Variants in SGSM2 observed in about 807,000 individuals in gnomAD.
The protein encoded by SGSM2 is RUN and TBC1 domain containing 1.
In SGSM2, 89 loss-of-function variants were observed where a neutral mutation model predicts 126.6. The observed-to-expected ratio is 0.70, with a 90% CI of 0.59 to 0.84. The LOEUF is 0.84. Among genes scored for constraint, SGSM2 ranks in the 40% least tolerant of loss-of-function variants. SGSM2 has a pLI of 0.00. For missense variants in SGSM2, 1,404 were observed against 1,416.6 expected (o/e 0.99, Z 0.14); for synonymous variants, 614 against 574.3 (o/e 1.07, Z -0.99).
At chr17:2,355,699 C>T (rs1378230124) in intron 2 of SGSM2, among the ~76,000 whole-genome samples, 1 of 2,120 alleles carries the variant, frequency 4.7e-4, no homozygotes, top group African/African-American at 5.7e-3. Flanking sequence ...GAAGGGACCC[C>T]ATATCTTAGA....
rs1027953267 is a variant in SGSM2 at position 2,362,352 on chromosome 17, A to T, written c.458+82A>T. ...CAGGTGACCGCCCCGTTCCCCAAAA[A>T]CTGCAGGTGACCGCCCCGTTCCCCA... is the stretch of plus-strand genomic sequence containing the variant. On this transcript the variant is annotated intron_variant, in intron 4 of 23. Transcript: ENST00000268989. The surrounding 1 kb of genome is among the most constrained non-coding windows in gnomAD (Gnocchi z 4.9). The T allele has an allele frequency of 3.6e-6, 5 of 1,406,604 alleles. No individual in the cohort carries two copies. In the African/African-American group the frequency reaches 7.9e-5, roughly 22 times the overall value. The allele number at this position is 1,406,604 out of a possible 1,614,324, so 87.1% of individuals were successfully genotyped here.
chr17:2,349,963 A>G (rs2064780131), intron 2 of SGSM2, among the ~76,000 whole-genome samples: 1 of 151,762 alleles, frequency 6.6e-6, no homozygotes, highest in African/African-American at 2.4e-5. Context: ...AATTTTTTGT[A>G]TTTTTAGTAG....
At chr17:2,375,420 T>C in intron 17 of SGSM2, 72 bp from the exon 18 acceptor site, 5 of 1,524,828 alleles carry the variant, frequency 3.3e-6, no homozygotes, top group South Asian at 2.5e-5. Flanking sequence ...AGCTCCCTTC[T>C]GGCCCGAGGA....
chr17:2,349,248 C>T (rs755694910), intron 2 of SGSM2, among the ~76,000 whole-genome samples: 15 of 152,088 alleles, frequency 9.9e-5, no homozygotes, highest in Admixed American at 2.6e-4. Flanking sequence ...TCATGGTGCA[C>T]GCCTGTAATC....
intron 2 of SGSM2, 83 bp downstream of exon 2, chr17:2,343,703 G>A (rs1268485324): frequency 5.9e-6 from 7 of 1,177,816 alleles, no homozygotes; most frequent in South Asian, 1.3e-5. Flanking sequence ...TGAGTCCTCA[G>A]GTGCAGTAGC....
intron 10 of SGSM2, 37 bp from the exon 11 acceptor site, chr17:2,365,178 C>T (rs1199971678): frequency 6.3e-7 from 1 of 1,597,340 alleles, no homozygotes; most frequent in South Asian, 1.1e-5. Flanking sequence ...TGAGACTCTG[C>T]CCTATACAGC....
rs1337524815 is a variant in SGSM2 at position 2,372,057 on chromosome 17, G to A, written c.1578-133G>A. The A allele has an allele frequency of 1.4e-5, 15 of 1,049,360 alleles. No homozygotes were observed. The South Asian group carries it at 1.9e-4, about 14-fold the overall frequency. 65.0% of individuals were successfully genotyped at this position (1,049,360 alleles called of 1,614,324 possible). A position where few individuals can be genotyped will look rare whatever the true frequency, so the allele number is the denominator to read the frequency against. ...GACAGGGCACCCACTGACGGCTGCT[G>A]GGCTGCGGCTCCTCCTCCTCGCACC... On this transcript the variant is annotated intron_variant, in intron 13 of 23. Transcript: ENST00000268989. The surrounding 1 kb of genome is among the most constrained non-coding windows in gnomAD (Gnocchi z 6.0).
Position 2,375,732 on chromosome 17 carries a change from GGC to G in SGSM2, c.2343_2344del (p.Gly782TrpfsTer68), listed in dbSNP as rs1450619195. The G allele has an allele frequency of 6.2e-7, 1 of 1,608,724 alleles. No homozygotes were observed. The highest frequency in any genetic ancestry group is 8.5e-7 in the Non-Finnish European group (1 of 1,176,374). ...GQSVGFEEED[G>X]GGEEGSSGPG... ...GAGCGTGGGCTTCGAAGAGGAGGAC[GGC>G]GGTGGGGAGGAAGGCTCCAGTGGGC... On this transcript the variant is annotated frameshift_variant, in exon 18 of 24. Transcript: ENST00000268989. LOFTEE classifies it high-confidence loss of function.
chr17:2,372,452 C>A lies in SGSM2; in HGVS notation c.1752C>A (p.Thr584=), dbSNP rs762609273. 1.2e-6 allele frequency: 2 copies of A among 1,601,444 alleles called. No homozygotes were observed. The highest frequency in any genetic ancestry group is 2.2e-5 in the South Asian group (2 of 89,314). ...CCCCGGGGGCCTCCGCGGGCCTCAC[C>A]AAGGACGTGTGGAGCAAGTATCAGA... ...DRPPGASAGL[T]KDVWSKYQKD... The change falls in exon 15 of 24, where the codon ACC becomes ACA. Residue 584 remains threonine, a synonymous_variant. Coordinates refer to ENST00000268989, the MANE Select transcript of SGSM2 (RefSeq NM_014853.3). This position sits in a 1 kb window ranked among gnomAD's most constrained non-coding sequence, Gnocchi z 6.0.
At chr17:2,349,837 G>C (rs1033204526) in intron 2 of SGSM2, among the ~76,000 whole-genome samples, 3 of 151,380 alleles carry the variant, frequency 2.0e-5, no homozygotes, top group African/African-American at 4.9e-5. Flanking sequence ...GCCCAGGCTG[G>C]AGTGCAATGG....
rs1192407528 is a variant in SGSM2, at chr17:2,362,424, G to A, written c.458+154G>A. ...GTTCCCCCCAAAACTGCAGGTGACC[G>A]CCCCGTTCCCAAAAACTGCAGGTGA... On this transcript the variant is annotated intron_variant, in intron 4 of 23. Coordinates refer to ENST00000268989, the MANE Select transcript of SGSM2 (RefSeq NM_014853.3). The surrounding 1 kb of genome is among the most constrained non-coding windows in gnomAD (Gnocchi z 4.9). Among the ~76,000 whole-genome samples the A allele has an allele frequency of 1.6e-4, 9 of 56,302 alleles. No homozygotes were observed. Among genetic ancestry groups the A allele is most frequent in the Admixed American group, 5.6e-4 (2 of 3,570 alleles). 36.9% of individuals were successfully genotyped at this position (56,302 alleles called of 152,430 possible).
Position 2,372,102 on chromosome 17 carries a change from C to G in SGSM2, c.1578-88C>G, listed in dbSNP as rs541592150. ...CGCACCCTCCCCAGTGCCTTACCTGCCCCCCAGGACAGAGCCTCCTCCCTT... is the reference window on the plus strand; with the variant it reads ...CGCACCCTCCCCAGTGCCTTACCTGGCCCCCAGGACAGAGCCTCCTCCCTT... On this transcript the variant is annotated intron_variant, in intron 13 of 23. Coordinates refer to ENST00000268989, the MANE Select transcript of SGSM2 (RefSeq NM_014853.3). This position sits in a 1 kb window ranked among gnomAD's most constrained non-coding sequence, Gnocchi z 6.0. 3.4e-6 allele frequency: 5 copies of G among 1,482,212 alleles called. No individual in the cohort carries two copies. The Admixed American group carries it at 8.5e-5, about 25-fold the overall frequency. 91.8% of individuals were successfully genotyped at this position (1,482,212 alleles called of 1,614,324 possible). A position where few individuals can be genotyped will look rare whatever the true frequency, so the allele number is the denominator to read the frequency against.
At chr17:2,344,583 G>A (rs1416043489) in intron 2 of SGSM2, among the ~76,000 whole-genome samples, 1 of 152,198 alleles carries the variant, frequency 6.6e-6, no homozygotes, top group Non-Finnish European at 1.5e-5. Flanking sequence ...CAAGGAAATG[G>A]CAGTGACAAG....
chr17:2,372,239 C>A lies in SGSM2; in HGVS notation c.1627C>A (p.Arg543=). ...GAGTATGAAGAGGCAGATCGTGTCC[C>A]GGGCCTTCTACGGCTGTGAGTGTGG... ...CESMKRQIVS[R]AFYGWLAHCR... is the part of the protein sequence containing the mutation. The change falls in exon 14 of 24, where the codon CGG becomes AGG. Residue 543 remains arginine, a synonymous_variant. Coordinates refer to ENST00000268989, the MANE Select transcript of SGSM2 (RefSeq NM_014853.3). The surrounding 1 kb of genome is among the most constrained non-coding windows in gnomAD (Gnocchi z 6.0). 1 of 1,613,138 alleles carries A rather than the reference C, an allele frequency of 6.2e-7. No homozygotes were observed. The highest frequency in any genetic ancestry group is 1.1e-5 in the South Asian group (1 of 91,086).
intron 11 of SGSM2, among the ~76,000 whole-genome samples, chr17:2,365,743 CTTTTT>C (rs946989393): frequency 7.7e-6 from 1 of 129,524 alleles, no homozygotes; most frequent in Admixed American, 7.8e-5. Flanking sequence ...ACCAGCGCTA[CTTTTT>C]TTTTTTTTTT....
rs758494152 is a variant in SGSM2, at chr17:2,363,156, T to G, written c.672+22T>G. 1 of 1,573,874 alleles carries G rather than the reference T, an allele frequency of 6.4e-7. No individual in the cohort carries two copies. Among genetic ancestry groups the G allele is most frequent in the East Asian group, 2.3e-5 (1 of 42,640 alleles). On this transcript the variant is annotated intron_variant, in intron 6 of 23. Transcript: ENST00000268989. The surrounding 1 kb of genome is among the most constrained non-coding windows in gnomAD (Gnocchi z 4.2). Reference sequence around the variant, plus strand: ...GGGGGTAGGTGCCCCCTCCCCACCCTTTGGGCTCATCTGGGCTATGCCCAT... The same window carrying G: ...GGGGGTAGGTGCCCCCTCCCCACCCGTTGGGCTCATCTGGGCTATGCCCAT...
At chr17:2,342,584 G>A (rs2064420826) in intron 1 of SGSM2, among the ~76,000 whole-genome samples, 1 of 152,190 alleles carries the variant, frequency 6.6e-6, no homozygotes. Context: ...GATTTCACAG[G>A]AGTGTTCAGT....
At position 2,372,669 on chromosome 17, in the gene SGSM2, G is replaced by A; in HGVS notation, c.1788+181G>A. The A allele has an allele frequency of 2.1e-6, 2 of 953,108 alleles. No homozygotes were observed. Among genetic ancestry groups the A allele is most frequent in the Non-Finnish European group, 3.2e-6 (2 of 634,278 alleles). 59.0% of individuals were successfully genotyped at this position (953,108 alleles called of 1,614,324 possible). ...TGGGGCTGACACGGGAAGGGGGCTG[G>A]ACTGGGAAGCCGTCCTGCCTCCACA... is the stretch of plus-strand genomic sequence containing the variant. On this transcript the variant is annotated intron_variant, in intron 15 of 23. Transcript: ENST00000268989. The surrounding 1 kb of genome is among the most constrained non-coding windows in gnomAD (Gnocchi z 6.0).
Position 2,361,812 on chromosome 17 carries a change from C to A in SGSM2, c.296+13C>A. Reference sequence around the variant, plus strand: ...AAGCAGAGGGCAGGTGAGCCCTGGGCCAGCCCCTTCTTCCCTCCTTTCAGC... The same window carrying A: ...AAGCAGAGGGCAGGTGAGCCCTGGGACAGCCCCTTCTTCCCTCCTTTCAGC... On this transcript the variant is annotated intron_variant, in intron 3 of 23. Coordinates refer to ENST00000268989, the MANE Select transcript of SGSM2 (RefSeq NM_014853.3). 6.3e-7 allele frequency: 1 copy of A among 1,586,390 alleles called. No homozygotes were observed. Among genetic ancestry groups the A allele is most frequent in the Admixed American group, 1.7e-5 (1 of 57,328 alleles).
Sources: gnomAD v4.1 joint callset for allele counts (sites outside exome capture counted in the v4.1 genomes callset) on GRCh38, gnomAD v4.1.1 for gene constraint, Gnocchi (gnomAD v3.1) non-coding constraint, MANE v1.5 for transcripts, NCBI Gene and HGNC (gene_info 2026-07-23, HGNC 2026-07-21) for gene names.